The following AQP2 variants were observed in gnomAD, a reference collection of about 807,000 sequenced individuals.
The protein encoded by AQP2 is aquaporin 2.
AQP2 carries 20 observed loss-of-function variants against 21.6 expected under a neutral mutation model. The observed-to-expected ratio is 0.92, with a 90% CI of 0.65 to 1.34. The LOEUF (loss-of-function observed/expected upper bound fraction) is 1.34, where lower values mean the gene tolerates loss of function less well. AQP2 is among the 40% of genes most tolerant of loss of function. The pLI is 0.00. For missense variants in AQP2, 325 were observed against 363.4 expected (o/e 0.89, Z 0.86); for synonymous variants, 168 against 166.9 (o/e 1.01, Z -0.05).
chr12:49,952,346 G>T (rs1027512645), intron 1 of AQP2, among the ~76,000 whole-genome samples: 1 of 152,000 alleles, frequency 6.6e-6, no homozygotes, highest in Non-Finnish European at 1.5e-5. Flanking sequence ...AACCTCAAGT[G>T]ATCCACCCGC....
At position 49,955,620 on chromosome 12, in the gene AQP2, G is replaced by A. The variant is rs970193864; in HGVS notation, c.*12G>A. The A allele has an allele frequency of 2.6e-6, 4 of 1,544,108 alleles. No homozygotes were observed. Among genetic ancestry groups the A allele is most frequent in the Middle Eastern group, 2.2e-4 (1 of 4,458 alleles). On this transcript the variant is annotated 3_prime_UTR_variant, in exon 4 of 4. Transcript: ENST00000199280. ...GTACCAAGGCCTGAGGGCCGCCAGC[G>A]GCCTCTACGGCCCCGACGGACGCTT...
Position 49,955,435 on chromosome 12 carries a change from G to T in AQP2, c.643G>T (p.Gly215Cys). 1 of 1,612,782 alleles carries T rather than the reference G, an allele frequency of 6.2e-7. No homozygotes were observed. Among genetic ancestry groups the T allele is most frequent in the Non-Finnish European group, 8.5e-7 (1 of 1,179,806 alleles). The change falls in exon 4 of 4, where the codon GGC becomes TGC. Residue 215 changes from glycine (G) to cysteine (C), a missense_variant. Coordinates refer to ENST00000199280, the MANE Select transcript of AQP2 (RefSeq NM_000486.6). ...WIGPLVGAIL[G>C]SLLYNYVLFP... ...CGGACCCCTGGTGGGCGCCATCCTG[G>T]GCTCCCTCCTCTACAACTACGTGCT...
intron 2 of AQP2, 56 bp downstream of exon 2, chr12:49,954,375 C>A (rs1947351188): frequency 6.4e-7 from 1 of 1,550,998 alleles, no homozygotes; most frequent in African/African-American, 1.4e-5. Flanking sequence ...ACAGACCACT[C>A]CAGAGACAGA....
chr12:49,955,107 T>A (rs570698968), intron 3 of AQP2, among the ~76,000 whole-genome samples: 1 of 152,270 alleles, frequency 6.6e-6, no homozygotes, highest in East Asian at 1.9e-4. Context: ...GAGGTAGACA[T>A]TCTTAGAGTG....
At position 49,958,469 on chromosome 12, in the gene AQP2, G is replaced by A. The variant is rs1947389310; in HGVS notation, c.*2861G>A. On this transcript the variant is annotated 3_prime_UTR_variant, in exon 4 of 4. Transcript: ENST00000199280. The stretch of plus-strand genomic sequence containing the variant: ...CCCACTGTCTTGCAGTGGACGGAGA[G>A]CCTTGGCGAGGGCAGCAGGGTAGAG... 6.6e-6 allele frequency: 1 copy of A among 152,286 alleles called. No individual in the cohort carries two copies. Among genetic ancestry groups the A allele is most frequent in the Non-Finnish European group, 1.5e-5 (1 of 68,092 alleles). 9.4% of individuals were successfully genotyped at this position (152,286 alleles called of 1,614,324 possible).
chr12:49,951,322 A>G (rs1592814931), intron 1 of AQP2, 132 bp downstream of exon 1: 1 of 1,311,062 alleles, frequency 7.6e-7, no homozygotes, highest in Non-Finnish European at 1.0e-6. Context: ...GAGAGGCTGG[A>G]GCCAGGAACA....
intron 1 of AQP2, 150 bp downstream of exon 1, chr12:49,951,340 C>T (rs147197762): frequency 3.4e-6 from 4 of 1,181,954 alleles, no homozygotes; most frequent in Admixed American, 5.7e-5. Context: ...ACACAGCCAC[C>T]ATAGGAGGGT....
chr12:49,953,427 G>A (rs182242891), intron 1 of AQP2, among the ~76,000 whole-genome samples: 2 of 152,278 alleles, frequency 1.3e-5, no homozygotes, highest in East Asian at 1.9e-4. Context: ...ACTCAGCCCC[G>A]AGTTCTCTCC....
intron 3 of AQP2, 96 bp from the exon 4 acceptor site, chr12:49,955,303 G>C: frequency 8.3e-7 from 1 of 1,202,718 alleles, no homozygotes; most frequent in Non-Finnish European, 1.2e-6. Context: ...ATGTCGGGGA[G>C]GAGAGGTGCG....
Position 49,955,523 on chromosome 12 carries a change from C to G in AQP2, c.731C>G (p.Thr244Ser). 6.2e-7 allele frequency: 1 copy of G among 1,611,994 alleles called. No homozygotes were observed. Among genetic ancestry groups the G allele is most frequent in the Non-Finnish European group, 8.5e-7 (1 of 1,179,662 alleles). Residue 244 changes from threonine to serine, a missense_variant, in exon 4 of 4, where the codon ACC (threonine) becomes AGC (serine). Coordinates refer to ENST00000199280, the MANE Select transcript of AQP2 (RefSeq NM_000486.6). The part of the protein sequence containing the change: ...LAVLKGLEPD[T>S]DWEEREVRRR... ...GTGCTGAAGGGCCTGGAGCCGGACACCGATTGGGAGGAGCGCGAGGTGCGA... is the reference window on the plus strand; with the variant it reads ...GTGCTGAAGGGCCTGGAGCCGGACAGCGATTGGGAGGAGCGCGAGGTGCGA...
chr12:49,955,625 C>T lies in AQP2; in HGVS notation c.*17C>T. 6.5e-7 allele frequency: 1 copy of T among 1,541,972 alleles called. No homozygotes were observed. The highest frequency in any genetic ancestry group is 8.7e-7 in the Non-Finnish European group (1 of 1,149,876). ...AAGGCCTGAGGGCCGCCAGCGGCCT[C>T]TACGGCCCCGACGGACGCTTGTGAG... On this transcript the variant is annotated 3_prime_UTR_variant, in exon 4 of 4. Coordinates refer to ENST00000199280, the MANE Select transcript of AQP2 (RefSeq NM_000486.6).
rs779285601 is a variant in AQP2, at chr12:49,955,399, G to C, written c.607G>C (p.Val203Leu). 8 of 1,612,172 alleles carry C rather than the reference G, an allele frequency of 5.0e-6. No individual in the cohort carries two copies. Among genetic ancestry groups the C allele is most frequent in the Non-Finnish European group, 6.8e-6 (8 of 1,179,522 alleles). Reference sequence around the variant, plus strand: ...AGCCGCCCTCTCCGCTCGCCCCCAGGTCTTCTGGATCGGACCCCTGGTGGG... The same window carrying C: ...AGCCGCCCTCTCCGCTCGCCCCCAGCTCTTCTGGATCGGACCCCTGGTGGG... ...VVTGKFDDHW[V>L]FWIGPLVGAI... Residue 203 changes from valine to leucine, a missense_variant and splice_region_variant, in exon 4 of 4, where the codon GTC becomes CTC. Coordinates refer to ENST00000199280, the MANE Select transcript of AQP2 (RefSeq NM_000486.6).
Position 49,954,146 on chromosome 12 carries a change from T to C in AQP2, c.361-9T>C, listed in dbSNP as rs1291468326. On this transcript the variant is annotated splice_polypyrimidine_tract_variant and intron_variant, in intron 1 of 3. Transcript: ENST00000199280. ...AGTGTTCCCCTACCCGCCTCTTCTC[T>C]GTCCCCAGCTCAGCAACAGCACGAC... The C allele has an allele frequency of 6.3e-7, 1 of 1,598,162 alleles. No homozygotes were observed. The highest frequency in any genetic ancestry group is 8.5e-7 in the Non-Finnish European group (1 of 1,179,918).
rs1392977986 is a variant in AQP2, at chr12:49,951,155, C to A, written c.325C>A (p.Pro109Thr). The A allele has an allele frequency of 1.9e-6, 3 of 1,606,778 alleles. No individual in the cohort carries two copies. The highest frequency in any genetic ancestry group is 2.7e-5 in the African/African-American group (2 of 74,830). ...AGAALLHEIT[P>T]ADIRGDLAVN... ...AGCCGCTCTGCTCCATGAGATCACG[C>A]CAGCAGACATCCGCGGGGACCTGGC... Residue 109 changes from proline (P) to threonine (T), a missense_variant, in exon 1 of 4, where the codon CCA becomes ACA. Pro to Thr is a conservative substitution (Grantham distance 38, BLOSUM62 -1). Coordinates refer to ENST00000199280, the MANE Select transcript of AQP2 (RefSeq NM_000486.6).
chr12:49,951,320 G>A (rs1947328226), intron 1 of AQP2, 130 bp downstream of exon 1: 1 of 1,336,834 alleles, frequency 7.5e-7, no homozygotes, highest in Non-Finnish European at 9.9e-7. Context: ...GAGAGAGGCT[G>A]GAGCCAGGAA....
At position 49,951,096 on chromosome 12, in the gene AQP2, A is replaced by G. The variant is rs891097409; in HGVS notation, c.266A>G (p.Tyr89Cys). Residue 89 changes from tyrosine (Y) to cysteine (C), a missense_variant, in exon 1 of 4, where the codon TAC (tyrosine) becomes TGC (cysteine). Tyr to Cys is a radical substitution (Grantham distance 194, BLOSUM62 -2). Transcript: ENST00000199280. Reference sequence around the variant, plus strand: ...GTCTCCGTTCTCCGAGCCGCCTTCTACGTGGCTGCCCAGCTGCTGGGGGCT... The same window carrying G: ...GTCTCCGTTCTCCGAGCCGCCTTCTGCGTGGCTGCCCAGCTGCTGGGGGCT... ...CHVSVLRAAF[Y>C]VAAQLLGAVA... The G allele has an allele frequency of 1.2e-6, 2 of 1,609,748 alleles. No individual in the cohort carries two copies. The highest frequency in any genetic ancestry group is 1.3e-5 in the African/African-American group (1 of 75,018).
In AQP2 at chr12:49,955,929, G is replaced by A; in HGVS notation, c.*321G>A. The A allele has an allele frequency of 7.3e-6, 4 of 547,014 alleles. No homozygotes were observed. In the South Asian group the frequency reaches 8.0e-5, roughly 11 times the overall value. 33.9% of individuals were successfully genotyped at this position (547,014 alleles called of 1,614,324 possible). A position where few individuals can be genotyped will look rare whatever the true frequency, so the allele number is the denominator to read the frequency against. On this transcript the variant is annotated 3_prime_UTR_variant, in exon 4 of 4. Coordinates refer to ENST00000199280, the MANE Select transcript of AQP2 (RefSeq NM_000486.6). The stretch of plus-strand genomic sequence containing the variant: ...GGTGGTAAGAGGGAAACTCTGGAGA[G>A]CCTGCACCCAGGTACTGAGTGGGGA...
chr12:49,955,812 G>A lies in AQP2; in HGVS notation c.*204G>A. ...GAGCCCTGAGCCTGGCAGGTCCCCT[G>A]CCCTGAGGCTGTGAGCAGCTAGTGG... On this transcript the variant is annotated 3_prime_UTR_variant, in exon 4 of 4. Coordinates refer to ENST00000199280, the MANE Select transcript of AQP2 (RefSeq NM_000486.6). The A allele has an allele frequency of 1.3e-6, 1 of 752,802 alleles. No homozygotes were observed. The highest frequency in any genetic ancestry group is 2.3e-6 in the Non-Finnish European group (1 of 434,854). 46.6% of individuals were successfully genotyped at this position (752,802 alleles called of 1,614,324 possible).
intron 1 of AQP2, among the ~76,000 whole-genome samples, chr12:49,953,049 G>GAATCC (rs1565636208): frequency 1.3e-5 from 2 of 152,328 alleles, no homozygotes; most frequent in East Asian, 3.9e-4. Context: ...CAGTCCTCCA[G>GAATCC]AATCCATTTT....
Sources: allele counts gnomAD v4.1 joint callset (sites outside exome capture counted in the v4.1 genomes callset), GRCh38; gene constraint gnomAD v4.1.1; transcripts MANE v1.5; gene names NCBI Gene and HGNC (gene_info 2026-07-23, HGNC 2026-07-21).